Variants in MYH4 observed in about 807,000 individuals in gnomAD.
MYH4 encodes myosin heavy chain 4.
Under a neutral mutation model 229.9 loss-of-function variants are expected in MYH4, and 200 were observed. The ratio of observed to expected loss-of-function variants is 0.87; its 90% CI spans 0.78 to 0.98. The LOEUF (loss-of-function observed/expected upper bound fraction) is 0.98, where lower values mean the gene tolerates loss of function less well. Ranked by LOEUF, MYH4 falls within the 50% of genes least tolerant of loss-of-function variation. MYH4 has a pLI of 0.00. For missense variants in MYH4, 2,148 were observed against 2,332.6 expected (o/e 0.92, Z 1.63); for synonymous variants, 761 against 834.6 (o/e 0.91, Z 1.52).
chr17:10,459,144 G>A, intron 15 of MYH4, 107 bp downstream of exon 15: 4 of 1,556,770 alleles, frequency 2.6e-6, no homozygotes, highest in Non-Finnish European at 2.6e-6. Flanking sequence ...ATACGAGTGT[G>A]TCAGGAAACA....
chr17:10,459,271 A>G lies in MYH4; in HGVS notation c.1567T>C (p.Cys523Arg), dbSNP rs770407305. The G allele has an allele frequency of 5.0e-6, 8 of 1,614,092 alleles. No homozygotes were observed. The Admixed American group carries it at 1.2e-4, about 24-fold the overall frequency. The change falls in exon 15 of 40, where the codon TGC becomes CGC. Residue 523 changes from cysteine to arginine, a missense_variant. Physicochemically the swap from Cys to Arg is radical, Grantham distance 180. Transcript: ENST00000255381. The part of the protein sequence containing the change: ...FIDFGMDLAA[C>R]IELIEKPMGI... ...TGAACCTTCTCGATGAGCTCGATGC[A>G]GGCAGCCAGGTCCATCCCGAAGTCA...
chr17:10,450,425 C>T, intron 30 of MYH4, 28 bp downstream of exon 30: 11 of 1,613,808 alleles, frequency 6.8e-6, no homozygotes, highest in Non-Finnish European at 8.5e-6. Flanking sequence ...TTTATTTCTT[C>T]CTGCTCCCCT....
At position 10,459,246 on chromosome 17, in the gene MYH4, T is replaced by G; in HGVS notation, c.1587+5A>C. The G allele has an allele frequency of 6.2e-7, 1 of 1,614,050 alleles. No individual in the cohort carries two copies. The highest frequency in any genetic ancestry group is 8.5e-7 in the Non-Finnish European group (1 of 1,179,958). ...TGTTTTGAAAGCTAGAAAAGTCATA[T>G]GAACCTTCTCGATGAGCTCGATGCA... On this transcript the variant is annotated splice_donor_5th_base_variant and intron_variant, in intron 15 of 39. Coordinates refer to ENST00000255381, the MANE Select transcript of MYH4 (RefSeq NM_017533.2).
rs757120139 is a variant in MYH4, at chr17:10,455,779, C to T, written c.2056+35G>A. 1.9e-6 allele frequency: 3 copies of T among 1,614,178 alleles called. No homozygotes were observed. The South Asian group carries it at 3.3e-5, about 18-fold the overall frequency. ...CATACTTCGTGGTCTATCGCACACA[C>T]ACTGGAGCTTGTCTGGATATCAGAA... is the stretch of plus-strand genomic sequence containing the variant. On this transcript the variant is annotated intron_variant, in intron 18 of 39. Transcript: ENST00000255381.
rs761786649 is a variant in MYH4 at position 10,453,169 on chromosome 17, C to G, written c.3094G>C (p.Glu1032Gln). The G allele has an allele frequency of 9.0e-5, 146 of 1,613,974 alleles. No homozygotes were observed. Among genetic ancestry groups the G allele is most frequent in the Non-Finnish European group, 1.2e-4 (138 of 1,180,012 alleles). The change falls in exon 24 of 40, where the codon GAA (glutamate) becomes CAA (glutamine). Residue 1032 changes from glutamate (E) to glutamine (Q), a missense_variant. Coordinates refer to ENST00000255381, the MANE Select transcript of MYH4 (RefSeq NM_017533.2). ...ACACTTACATCGTCCACTTGCTGTT[C>G]TAGCTTGGTTTTAGCTTTGGTCAGG... The part of the protein sequence containing the change: ...NTLTKAKTKL[E>Q]QQVDDLEGSL...
At chr17:10,466,240 G>A in intron 4 of MYH4, 33 bp downstream of exon 4, 2 of 1,609,944 alleles carry the variant, frequency 1.2e-6, no homozygotes, top group South Asian at 2.2e-5. Flanking sequence ...AGAATGTGGA[G>A]TGAGTGAGAA....
At position 10,450,646 on chromosome 17, in the gene MYH4, T is replaced by G. The variant is rs1319595841; in HGVS notation, c.3988A>C (p.Lys1330Gln). 1.9e-6 allele frequency: 3 copies of G among 1,613,980 alleles called. No homozygotes were observed. ...TGCAGGGCATGGGCCAGAGTGCTCT[T>G]GGCCTAGACCAACCAAAAACTATGT... ...KRQLEEETKA[K>Q]STLAHALQSA... is the part of the protein sequence containing the mutation. The change falls in exon 30 of 40, where the codon AAG (lysine) becomes CAG (glutamine). Residue 1330 changes from lysine (K) to glutamine (Q), a missense_variant. Transcript: ENST00000255381.
Position 10,457,574 on chromosome 17 carries a change from T to A in MYH4, c.1743A>T (p.Ser581=), listed in dbSNP as rs761413359. The A allele has an allele frequency of 3.7e-6, 6 of 1,614,026 alleles. 1 individual carries two copies. The highest frequency in any genetic ancestry group is 2.2e-5 in the South Asian group (2 of 91,088). ...PAKGKPEAHF[S]LVHYAGTVDY... The stretch of plus-strand genomic sequence containing the variant: ...CCACGGTGCCGGCATAGTGCACCAG[T>A]GAGAAGTGAGCCTCAGGCTTGCCTT... The change falls in exon 16 of 40, where the codon TCA becomes TCT. Residue 581 remains serine, a synonymous_variant. Transcript: ENST00000255381.
intron 35 of MYH4, among the ~76,000 whole-genome samples, chr17:10,446,738 A>C (rs897976761): frequency 6.6e-6 from 1 of 152,168 alleles, no homozygotes; most frequent in Non-Finnish European, 1.5e-5. Context: ...GACAGCTACA[A>C]ATGTTGTGTG....
rs139161512 is a variant in MYH4, at chr17:10,468,370, G to T, written c.-40+918C>A. Among the ~76,000 whole-genome samples the T allele has an allele frequency of 6.6e-5, 10 of 152,278 alleles. No homozygotes were observed. In the East Asian group the frequency reaches 1.5e-3, roughly 23 times the overall value. ...AGCCCCAATAGAGCCTCAGGTTGTTGCAGGGGGTTCTTGAATCCACCCACA... is the reference window on the plus strand; with the variant it reads ...AGCCCCAATAGAGCCTCAGGTTGTTTCAGGGGGTTCTTGAATCCACCCACA... On this transcript the variant is annotated intron_variant, in intron 2 of 39. Transcript: ENST00000255381.
chr17:10,459,479 A>G, intron 14 of MYH4, 58 bp from the exon 15 acceptor site: 4 of 1,611,214 alleles, frequency 2.5e-6, no homozygotes, highest in Non-Finnish European at 3.4e-6. Context: ...TCTACAGAGT[A>G]TCTATTAGTA....
intron 3 of MYH4, 52 bp downstream of exon 3, chr17:10,466,490 A>C: frequency 1.2e-6 from 2 of 1,613,374 alleles, no homozygotes; most frequent in Non-Finnish European, 1.7e-6. Flanking sequence ...ATATCACCTA[A>C]ATTAACCCAA....
rs1472391532 is a variant in MYH4, at chr17:10,455,197, G to A, written c.2273C>T (p.Thr758Ile). Residue 758 changes from threonine (T) to isoleucine (I), a missense_variant, in exon 20 of 40, where the codon ACC becomes ATC. Transcript: ENST00000255381. The part of the protein sequence containing the change: ...KLLGSIEIDH[T>I]QYKFGHTKVF... ...CTTGGTATGACCGAATTTGTACTGG[G>A]TGTGGTCAATTTCAATAGACCCTAG... The A allele has an allele frequency of 1.9e-6, 3 of 1,614,004 alleles. No homozygotes were observed. Among genetic ancestry groups the A allele is most frequent in the Admixed American group, 1.7e-5 (1 of 59,996 alleles).
intron 28 of MYH4, 43 bp from the exon 29 acceptor site, chr17:10,450,938 G>C: frequency 1.4e-6 from 2 of 1,456,744 alleles, no homozygotes; most frequent in East Asian, 2.3e-5. Context: ...TGTTGTCTAG[G>C]TAAACAATAA....
rs770407305 is a variant in MYH4, at chr17:10,459,271, A to C, written c.1567T>G (p.Cys523Gly). 6.2e-7 allele frequency: 1 copy of C among 1,614,092 alleles called. No individual in the cohort carries two copies. Residue 523 changes from cysteine (C) to glycine (G), a missense_variant, in exon 15 of 40, where the codon TGC becomes GGC. Coordinates refer to ENST00000255381, the MANE Select transcript of MYH4 (RefSeq NM_017533.2). ...TGAACCTTCTCGATGAGCTCGATGC[A>C]GGCAGCCAGGTCCATCCCGAAGTCA... is the stretch of plus-strand genomic sequence containing the variant. Reference protein sequence around the residue: ...FIDFGMDLAACIELIEKPMGI... With the variant: ...FIDFGMDLAAGIELIEKPMGI...
chr17:10,447,708 A>T, intron 34 of MYH4, 110 bp downstream of exon 34: 1 of 1,085,856 alleles, frequency 9.2e-7, no homozygotes, highest in Non-Finnish European at 1.3e-6. Context: ...TGAACTGATT[A>T]CCATGTTGCT....
chr17:10,450,895 C>G lies in MYH4; in HGVS notation c.3866G>C (p.Gly1289Ala), dbSNP rs762957514. The stretch of plus-strand genomic sequence containing the variant: ...TTCATCTAGCTGTCGTGAAAACTCA[C>G]CTGTGGAAGACAAAACATCAATGAT... Reference protein sequence around the residue: ...AQKARLHTESGEFSRQLDEKD... With the variant: ...AQKARLHTESAEFSRQLDEKD... The change falls in exon 29 of 40, where the codon GGT becomes GCT. Residue 1289 changes from glycine (G) to alanine (A), a missense_variant and splice_region_variant. Transcript: ENST00000255381. 6.2e-7 allele frequency: 1 copy of G among 1,607,784 alleles called. No individual in the cohort carries two copies. The highest frequency in any genetic ancestry group is 2.2e-5 in the East Asian group (1 of 44,848).
At position 10,452,070 on chromosome 17, in the gene MYH4, A is replaced by C; in HGVS notation, c.3609T>G (p.Ser1203Arg). 1 of 1,613,938 alleles carries C rather than the reference A, an allele frequency of 6.2e-7. No individual in the cohort carries two copies. The highest frequency in any genetic ancestry group is 2.2e-5 in the East Asian group (1 of 44,854). ...AAALRKKHAD[S>R]VAELGEQIDS... The stretch of plus-strand genomic sequence containing the variant: ...CAATCTGCTCCCCAAGCTCAGCCAC[A>C]CTATCTGCGTGCTTCTTCCGAAGAG... The change falls in exon 27 of 40, where the codon AGT becomes AGG. Residue 1203 changes from serine (S) to arginine (R), a missense_variant. By Grantham distance (110) the Ser-to-Arg change is moderately radical. Coordinates refer to ENST00000255381, the MANE Select transcript of MYH4 (RefSeq NM_017533.2).
chr17:10,444,838 C>T lies in MYH4; in HGVS notation c.5528G>A (p.Gly1843Asp), dbSNP rs893951001. Residue 1843 changes from glycine (G) to aspartate (D), a missense_variant, in exon 38 of 40, where the codon GGT becomes GAT. Coordinates refer to ENST00000255381, the MANE Select transcript of MYH4 (RefSeq NM_017533.2). Reference sequence around the variant, plus strand: ...CACTCTTCTCTCATGTTTGCGAAGACCCTTGACAGCCTCAACATTGTGCTT... The same window carrying T: ...CACTCTTCTCTCATGTTTGCGAAGATCCTTGACAGCCTCAACATTGTGCTT... ...EQKHNVEAVK[G>D]LRKHERRVKE... 1 of 1,614,102 alleles carries T rather than the reference C, an allele frequency of 6.2e-7. No homozygotes were observed. Among genetic ancestry groups the T allele is most frequent in the South Asian group, 1.1e-5 (1 of 91,076 alleles).
Sources: allele counts gnomAD v4.1 joint callset (sites outside exome capture counted in the v4.1 genomes callset), GRCh38; gene constraint gnomAD v4.1.1; transcripts MANE v1.5; gene names NCBI Gene and HGNC (gene_info 2026-07-23, HGNC 2026-07-21).